The following DIS3L2 variants were observed in gnomAD, a reference collection of about 807,000 sequenced individuals.
DIS3L2 encodes DIS3-like exonuclease 2.
Under a neutral mutation model 97.5 loss-of-function variants are expected in DIS3L2, and 34 were observed. That is an observed-to-expected ratio of 0.35 (90% confidence interval 0.27 to 0.46). The LOEUF is 0.46. Among genes scored for constraint, DIS3L2 ranks in the 20% least tolerant of loss-of-function variants. The pLI, the probability that DIS3L2 is intolerant of heterozygous loss-of-function variation, is 1.00. For missense variants in DIS3L2, 1,038 were observed against 1,146.0 expected, an observed-to-expected ratio of 0.91 and a Z score of 1.36; for synonymous variants, 435 against 445.2, an observed-to-expected ratio of 0.98 and a Z score of 0.29.
intron 1 of DIS3L2, among the ~76,000 whole-genome samples, chr2:231,965,363 G>A (rs994005283): frequency 6.6e-6 from 1 of 151,990 alleles, no homozygotes; most frequent in African/African-American, 2.4e-5. Flanking sequence ...GAGAGTGTGT[G>A]TGTTTAGCCT....
At position 232,011,838 on chromosome 2, in the gene DIS3L2, A is replaced by G. The variant is rs183471647; in HGVS notation, c.-93-2997A>G. Among the ~76,000 whole-genome samples the G allele has an allele frequency of 1.2e-4, 18 of 151,000 alleles. No homozygotes were observed. In the East Asian group the frequency reaches 3.5e-3, roughly 29 times the overall value. Reference sequence around the variant, plus strand: ...CTAATTTTTTGTATTTCTAGTAGACACCGGGTTTCGCCATGTTGCCCAGTC... The same window carrying G: ...CTAATTTTTTGTATTTCTAGTAGACGCCGGGTTTCGCCATGTTGCCCAGTC... On this transcript the variant is annotated intron_variant, in intron 1 of 20. Coordinates refer to ENST00000325385, the MANE Select transcript of DIS3L2 (RefSeq NM_152383.5).
At chr2:232,195,836 A>T (rs1359796600) in intron 9 of DIS3L2, among the ~76,000 whole-genome samples, 1 of 152,152 alleles carries the variant, frequency 6.6e-6, no homozygotes, top group Admixed American at 6.6e-5. Context: ...TCCTGGCTGC[A>T]TATCTCTTAA....
chr2:232,079,535 G>C (rs1696320147), intron 5 of DIS3L2, among the ~76,000 whole-genome samples: 1 of 142,062 alleles, frequency 7.0e-6, no homozygotes, highest in African/African-American at 2.7e-5. Flanking sequence ...GGGAGGCGGA[G>C]CTTGCAGTGA....
intron 6 of DIS3L2, among the ~76,000 whole-genome samples, chr2:232,093,324 C>T (rs946093462): frequency 2.6e-5 from 4 of 152,040 alleles, no homozygotes; most frequent in African/African-American, 9.7e-5. Flanking sequence ...CATTAATATT[C>T]ATCAGTGATA....
At chr2:232,190,427 G>A (rs561737546) in intron 9 of DIS3L2, among the ~76,000 whole-genome samples, 8 of 152,278 alleles carry the variant, frequency 5.3e-5, no homozygotes, top group African/African-American at 1.4e-4. Context: ...CTTGAATTGC[G>A]TCAGTAACTA....
chr2:232,109,258 C>T (rs1697450826), intron 6 of DIS3L2, among the ~76,000 whole-genome samples: 1 of 151,944 alleles, frequency 6.6e-6, no homozygotes, highest in Admixed American at 6.6e-5. Context: ...CCAGCCTGGC[C>T]AACATGGTGA....
At position 232,227,894 on chromosome 2, in the gene DIS3L2, C is replaced by T. The variant is rs183719677; in HGVS notation, c.1205-10639C>T. Among the ~76,000 whole-genome samples the T allele has an allele frequency of 2.4e-3, 365 of 152,276 alleles. 4 individuals carry two copies. Among genetic ancestry groups the T allele is most frequent in the African/African-American group, 8.6e-3 (356 of 41,558 alleles). On this transcript the variant is annotated intron_variant, in intron 10 of 20. Transcript: ENST00000325385. ...ATAGTTGTTTTATATTTCTTTAAAA[C>T]ATTGAAAATTATATATCTCTTGTAT...
intron 9 of DIS3L2, among the ~76,000 whole-genome samples, chr2:232,187,938 A>G (rs1691492509): frequency 6.6e-6 from 1 of 151,596 alleles, no homozygotes; most frequent in South Asian, 2.1e-4. Flanking sequence ...GGAGTTGGAG[A>G]CCAGCCTGGC....
rs1298325770 is a variant in DIS3L2 at position 232,281,355 on chromosome 2, CG to C, written c.1659+17916del. On this transcript the variant is annotated intron_variant, in intron 13 of 20. Transcript: ENST00000325385. This position sits in a 1 kb window ranked among gnomAD's most constrained non-coding sequence, Gnocchi z 4.1. ...CGGAGCTTGCAGTGAGCCGAGATGG[CG>C]CCACTGCACTTCAGCCTGGGTGACA... Among the ~76,000 whole-genome samples the C allele has an allele frequency of 6.6e-6, 1 of 152,106 alleles. No homozygotes were observed. The highest frequency in any genetic ancestry group is 1.5e-5 in the Non-Finnish European group (1 of 68,010).
intron 10 of DIS3L2, among the ~76,000 whole-genome samples, chr2:232,230,274 G>A (rs1033133629): frequency 4.6e-5 from 7 of 152,208 alleles, no homozygotes; most frequent in Non-Finnish European, 1.0e-4. Flanking sequence ...AAGCCCAATT[G>A]AGTCTGTCTC....
At chr2:232,033,176 C>T (rs576088420) in intron 5 of DIS3L2, among the ~76,000 whole-genome samples, 1 of 152,040 alleles carries the variant, frequency 6.6e-6, no homozygotes, top group African/African-American at 2.4e-5. Context: ...TTGTAGTTCT[C>T]CTTGAAGAGG....
At chr2:232,097,786 T>C (rs889292133) in intron 6 of DIS3L2, among the ~76,000 whole-genome samples, 1 of 152,172 alleles carries the variant, frequency 6.6e-6, no homozygotes, top group African/African-American at 2.4e-5. Flanking sequence ...AAAGTCTTCC[T>C]TTCTTTTTTC....
chr2:232,253,688 A>G (rs1693477712), intron 12 of DIS3L2, among the ~76,000 whole-genome samples: 1 of 152,120 alleles, frequency 6.6e-6, no homozygotes, highest in Non-Finnish European at 1.5e-5. Flanking sequence ...GGGAGTGTGT[A>G]TGGAAGAAAA....
At chr2:232,340,477 C>A (rs566949994), downstream of DIS3L2, among the ~76,000 whole-genome samples, 2 of 152,172 alleles carry the variant, frequency 1.3e-5, no homozygotes, top group Non-Finnish European at 2.9e-5. Context: ...TCTTACTGGT[C>A]GGCCCTGGAG....
At chr2:231,980,469 C>T (rs778383278) in intron 1 of DIS3L2, among the ~76,000 whole-genome samples, 1 of 151,900 alleles carries the variant, frequency 6.6e-6, no homozygotes, top group East Asian at 1.9e-4. Context: ...GAGGCTGAGG[C>T]GGGCAGATAA....
At chr2:231,962,459 G>C (rs1220847871) in intron 1 of DIS3L2, among the ~76,000 whole-genome samples, 3 of 135,104 alleles carry the variant, frequency 2.2e-5, no homozygotes, top group African/African-American at 8.8e-5. Context: ...TTTTTGAGAC[G>C]GAGTCTCATT....
chr2:232,244,427 A>C (rs1693190763), intron 11 of DIS3L2, among the ~76,000 whole-genome samples: 1 of 152,214 alleles, frequency 6.6e-6, no homozygotes, highest in Admixed American at 6.5e-5. Flanking sequence ...TAGGAAATGT[A>C]GTCAGTGGAA....
At position 232,315,209 on chromosome 2, in the gene DIS3L2, C is replaced by G. The variant is rs1323083327; in HGVS notation, c.1740-14604C>G. Among the ~76,000 whole-genome samples, 8 of 152,290 alleles carry G rather than the reference C, an allele frequency of 5.3e-5. No individual in the cohort carries two copies. In the East Asian group the frequency reaches 7.7e-4, roughly 15 times the overall value. ...GCAAGTGGGGTGAGCGCCTCCAGCCCTCCCCACCCCCATACCGGTGTGCTG... is the reference window on the plus strand; with the variant it reads ...GCAAGTGGGGTGAGCGCCTCCAGCCGTCCCCACCCCCATACCGGTGTGCTG... On this transcript the variant is annotated intron_variant, in intron 14 of 20. Coordinates refer to ENST00000325385, the MANE Select transcript of DIS3L2 (RefSeq NM_152383.5).
intron 6 of DIS3L2, among the ~76,000 whole-genome samples, chr2:232,122,436 G>C (rs1317399244): frequency 6.6e-6 from 1 of 152,160 alleles, no homozygotes; most frequent in Non-Finnish European, 1.5e-5. Flanking sequence ...CTCGCTACAG[G>C]CCAGGCACGG....
Sources: allele counts gnomAD v4.1 joint callset (sites outside exome capture counted in the v4.1 genomes callset), GRCh38; gene constraint gnomAD v4.1.1; non-coding constraint Gnocchi (gnomAD v3.1); transcripts MANE v1.5; gene names NCBI Gene and HGNC (gene_info 2026-07-23, HGNC 2026-07-21).